Variants in NRXN3 observed in about 807,000 individuals in gnomAD.
NRXN3 encodes neurexin III.
A neutral mutation model predicts 137.6 loss-of-function variants in NRXN3; 32 were observed. That is an observed-to-expected ratio of 0.23 (90% CI 0.18 to 0.31). The LOEUF (loss-of-function observed/expected upper bound fraction) is 0.31, where lower values mean the gene tolerates loss of function less well. Ranked by LOEUF, NRXN3 falls within the 10% of genes least tolerant of loss-of-function variation. NRXN3 has a pLI of 1.00. For missense variants in NRXN3, 1,574 were observed against 2,062.5 expected (o/e 0.76, Z 4.59); for synonymous variants, 798 against 784.5 (o/e 1.02, Z -0.29).
intron 20 of NRXN3, chr14:79,853,681 C>T (rs751582288): frequency 7.7e-7 from 1 of 1,295,274 alleles, no homozygotes; most frequent in East Asian, 5.1e-5. Flanking sequence ...TCTTTCCTTC[C>T]CATTCTCCCC....
intron 1 of NRXN3, among the ~76,000 whole-genome samples, chr14:78,197,318 A>G (rs2061321168): frequency 6.6e-6 from 1 of 152,188 alleles, no homozygotes; most frequent in South Asian, 2.1e-4. Context: ...GCATGCCAGC[A>G]TTTACTCCCC....
intron 10 of NRXN3, among the ~76,000 whole-genome samples, chr14:78,880,409 A>G (rs1409477542): frequency 6.6e-6 from 1 of 152,162 alleles, no homozygotes; most frequent in Non-Finnish European, 1.5e-5. Flanking sequence ...AAAGAGCCAG[A>G]GATGTGGCTG....
chr14:78,494,840 C>T (rs574182530), intron 4 of NRXN3, among the ~76,000 whole-genome samples: 35 of 152,230 alleles, frequency 2.3e-4, no homozygotes, highest in African/African-American at 7.0e-4. Flanking sequence ...AATGAAATAA[C>T]GGTCTGGAAT....
At chr14:78,843,486 A>G (rs767059953) in intron 10 of NRXN3, among the ~76,000 whole-genome samples, 46 of 152,174 alleles carry the variant, frequency 3.0e-4, no homozygotes, top group Non-Finnish European at 3.5e-4. Flanking sequence ...AAAAATAATT[A>G]CAGAGACTCT....
At chr14:78,186,489 C>T (rs1464982032) in intron 1 of NRXN3, among the ~76,000 whole-genome samples, 1 of 152,254 alleles carries the variant, frequency 6.6e-6, no homozygotes, top group Non-Finnish European at 1.5e-5. Flanking sequence ...ACCATTTCCT[C>T]AGGGATCTGA....
intron 16 of NRXN3, among the ~76,000 whole-genome samples, chr14:79,573,840 C>T (rs923113182): frequency 2.0e-5 from 3 of 151,924 alleles, no homozygotes; most frequent in African/African-American, 7.3e-5. Flanking sequence ...GGGTATGGTA[C>T]AGAATACTAA....
At chr14:79,210,071 T>G (rs2067418837) in intron 15 of NRXN3, among the ~76,000 whole-genome samples, 1 of 152,228 alleles carries the variant, frequency 6.6e-6, no homozygotes, top group African/African-American at 2.4e-5. Flanking sequence ...CAGTTACAGA[T>G]AAGTTTGGTA....
intron 6 of NRXN3, among the ~76,000 whole-genome samples, chr14:78,696,762 G>C (rs1043605774): frequency 6.6e-6 from 1 of 151,938 alleles, no homozygotes; most frequent in Non-Finnish European, 1.5e-5. Context: ...GTCACATCTT[G>C]GTTTGAATAT....
At chr14:78,874,624 G>T (rs1417451787) in intron 10 of NRXN3, among the ~76,000 whole-genome samples, 1 of 152,096 alleles carries the variant, frequency 6.6e-6, no homozygotes, top group Non-Finnish European at 1.5e-5. Flanking sequence ...CATCTGTTCA[G>T]TTGGCAGAGT....
At chr14:78,265,856 A>T (rs1326201147) in intron 2 of NRXN3, among the ~76,000 whole-genome samples, 1 of 152,200 alleles carries the variant, frequency 6.6e-6, no homozygotes, top group Non-Finnish European at 1.5e-5. Context: ...AATGATAATT[A>T]ATTAGTTGCT....
rs1597513419 is a variant in NRXN3, at chr14:79,228,257, C to A, written c.3263-238964C>A. On this transcript the variant is annotated intron_variant, in intron 15 of 20. Coordinates refer to ENST00000335750, the MANE Select transcript of NRXN3 (RefSeq NM_001330195.2). ...TAGGCACTCTATTGTAGAAGTCTCCCTGATAAAGCTTCCTGTACTCAAATT... is the reference window on the plus strand; with the variant it reads ...TAGGCACTCTATTGTAGAAGTCTCCATGATAAAGCTTCCTGTACTCAAATT... Among the ~76,000 whole-genome samples, 3 of 151,956 alleles carry A rather than the reference C, an allele frequency of 2.0e-5. No homozygotes were observed. In the East Asian group the frequency reaches 5.8e-4, roughly 29 times the overall value.
chr14:79,544,678 T>C (rs2097302915), intron 16 of NRXN3, among the ~76,000 whole-genome samples: 1 of 152,158 alleles, frequency 6.6e-6, no homozygotes, highest in South Asian at 2.1e-4. Context: ...TTGAAATCAA[T>C]AGTACTAAGG....
rs528802584 is a variant in NRXN3, at chr14:78,494,467, G to A, written c.758-150653G>A. Among the ~76,000 whole-genome samples the A allele has an allele frequency of 6.0e-5, 8 of 132,860 alleles. No homozygotes were observed. In the South Asian group the frequency reaches 2.0e-3, roughly 33 times the overall value. 87.2% of individuals were successfully genotyped at this position (132,860 alleles called of 152,430 possible). A position where few individuals can be genotyped will look rare whatever the true frequency, so the allele number is the denominator to read the frequency against. On this transcript the variant is annotated intron_variant, in intron 4 of 20. Coordinates refer to ENST00000335750, the MANE Select transcript of NRXN3 (RefSeq NM_001330195.2). Reference sequence around the variant, plus strand: ...GATTTCCTTTTTCAAACTTGATAAGGGAGTAGGCAAAAAATGTCTGAGTCA... The same window carrying A: ...GATTTCCTTTTTCAAACTTGATAAGAGAGTAGGCAAAAAATGTCTGAGTCA...
chr14:78,186,923 A>G (rs780024303), intron 1 of NRXN3, among the ~76,000 whole-genome samples: 3 of 152,260 alleles, frequency 2.0e-5, no homozygotes, highest in Non-Finnish European at 4.4e-5. Flanking sequence ...TTCCTAAGCC[A>G]TATGACCCTA....
At chr14:79,382,431 C>T (rs181038252) in intron 15 of NRXN3, among the ~76,000 whole-genome samples, 1 of 152,078 alleles carries the variant, frequency 6.6e-6, no homozygotes, top group South Asian at 2.1e-4. Flanking sequence ...CAGATAAGGT[C>T]CTGCTGCTAG....
chr14:78,913,529 C>T (rs774812998), intron 10 of NRXN3, among the ~76,000 whole-genome samples: 8 of 151,858 alleles, frequency 5.3e-5, no homozygotes, highest in African/African-American at 1.2e-4. Flanking sequence ...CTGCCTGCCT[C>T]GGCCTCCCAA....
intron 15 of NRXN3, among the ~76,000 whole-genome samples, chr14:79,039,429 T>C (rs1261101249): frequency 6.6e-6 from 1 of 152,146 alleles, no homozygotes; most frequent in African/African-American, 2.4e-5. Context: ...CTTTTCTTTC[T>C]TCATATGAGA....
rs533076488 is a variant in NRXN3 at position 79,640,151 on chromosome 14, G to A, written c.3445-23627G>A. 3.6e-4 allele frequency among the ~76,000 whole-genome samples: 49 copies of A among 135,620 alleles called. 2 individuals carry two copies. The highest frequency in any genetic ancestry group is 1.1e-3 in the African/African-American group (46 of 40,896). The allele number at this position is 135,620 out of a possible 152,430, so 89.0% of individuals were successfully genotyped here. A position where few individuals can be genotyped will look rare whatever the true frequency, so the allele number is the denominator to read the frequency against. ...GAGGCCAACTTAATTTTCTAAAGTA[G>A]TGAATTGACTTTTTTTCCTTGGATT... On this transcript the variant is annotated intron_variant, in intron 16 of 20. Transcript: ENST00000335750.
At chr14:79,372,488 T>C (rs1599331846) in intron 15 of NRXN3, among the ~76,000 whole-genome samples, 1 of 152,216 alleles carries the variant, frequency 6.6e-6, no homozygotes, top group Admixed American at 6.5e-5. Flanking sequence ...TATATAATAA[T>C]TCCTCATAGG....
Sources: gnomAD v4.1 joint callset for allele counts (sites outside exome capture counted in the v4.1 genomes callset) on GRCh38, gnomAD v4.1.1 for gene constraint, MANE v1.5 for transcripts, NCBI Gene and HGNC (gene_info 2026-07-23, HGNC 2026-07-21) for gene names.